The following PDZRN3 variants were observed in gnomAD, a reference collection of about 807,000 sequenced individuals.
The protein encoded by PDZRN3 is PDZ domain containing ring finger 3, also known as E3 ubiquitin-protein ligase PDZRN3.
Under a neutral mutation model 85.7 loss-of-function variants are expected in PDZRN3, and 38 were observed. That is an observed-to-expected ratio of 0.44 (90% CI 0.34 to 0.58). The LOEUF (loss-of-function observed/expected upper bound fraction) is 0.58, where lower values mean the gene tolerates loss of function less well. Ranked by LOEUF, PDZRN3 falls within the 20% of genes least tolerant of loss-of-function variation. The pLI is 0.01. For missense variants in PDZRN3, 1,629 were observed against 1,506.4 expected (o/e 1.08, Z -1.35); for synonymous variants, 759 against 638.0 (o/e 1.19, Z -2.86).
chr3:73,491,225 C>T (rs985230950), intron 3 of PDZRN3, among the ~76,000 whole-genome samples: 1 of 152,192 alleles, frequency 6.6e-6, no homozygotes, highest in South Asian at 2.1e-4. Flanking sequence ...ATTCTTGCAG[C>T]CCATGTCATT....
chr3:73,609,978 T>C (rs192809018), intron 1 of PDZRN3, among the ~76,000 whole-genome samples: 17 of 152,314 alleles, frequency 1.1e-4, no homozygotes, highest in Admixed American at 9.2e-4. Context: ...AAAAAAATAT[T>C]ACGAAAGATC....
At chr3:73,569,199 A>C in intron 3 of PDZRN3, 1 of 1,289,438 alleles carries the variant, frequency 7.8e-7, no homozygotes, top group Non-Finnish European at 1.0e-6. Context: ...CATCAGGAGG[A>C]ATCAGATTTC....
chr3:73,623,220 T>C (rs74557504), intron 1 of PDZRN3, among the ~76,000 whole-genome samples: 10,146 of 152,140 alleles, frequency 0.067, 410 homozygotes, highest in African/African-American at 0.12. Flanking sequence ...TACTAAACTC[T>C]CTCCCTGAAG....
chr3:73,496,288 G>A (rs769724974), intron 3 of PDZRN3, among the ~76,000 whole-genome samples: 1 of 151,966 alleles, frequency 6.6e-6, no homozygotes, highest in African/African-American at 2.4e-5. Context: ...CTTTTTCTTC[G>A]GAGAGGTAAA....
At chr3:73,563,001 A>T (rs1230112260) in intron 3 of PDZRN3, among the ~76,000 whole-genome samples, 1 of 35,412 alleles carries the variant, frequency 2.8e-5, no homozygotes, top group African/African-American at 1.2e-4. Flanking sequence ...ATATATATAT[A>T]TATATATATA....
Position 73,385,289 on chromosome 3 carries a change from T to G in PDZRN3, c.1636-359A>C, listed in dbSNP as rs563326544. On this transcript the variant is annotated intron_variant, in intron 9 of 9. Transcript: ENST00000263666. Reference sequence around the variant, plus strand: ...GACTCAATAAGTGGCTCATTAAGACTCTGACAATGGTAGTAGCATAGCAGG... The same window carrying G: ...GACTCAATAAGTGGCTCATTAAGACGCTGACAATGGTAGTAGCATAGCAGG... 1.7e-3 allele frequency among the ~76,000 whole-genome samples: 259 copies of G among 152,330 alleles called. 2 individuals carry two copies. The highest frequency in any genetic ancestry group is 6.1e-3 in the African/African-American group (254 of 41,586).
intron 3 of PDZRN3, among the ~76,000 whole-genome samples, chr3:73,566,991 A>G (rs1300956024): frequency 1.3e-5 from 2 of 152,312 alleles, no homozygotes; most frequent in African/African-American, 4.8e-5. Context: ...ACCTAAAATA[A>G]TATGTGTAAG....
chr3:73,563,007 ATATATATTTTTTTT>A (rs1370650290), intron 3 of PDZRN3, among the ~76,000 whole-genome samples: 5 of 45,898 alleles, frequency 1.1e-4, no homozygotes, highest in African/African-American at 5.1e-4. Context: ...ATATATATAT[ATATATATTTTTTTT>A]TTTTTTTTTT....
At position 73,384,944 on chromosome 3, in the gene PDZRN3, A is replaced by G. The variant is rs150341454; in HGVS notation, c.1636-14T>C. 1.7e-3 allele frequency: 2,721 copies of G among 1,578,926 alleles called. 15 individuals are homozygous for G. The African/African-American group carries it at 0.018, about 10-fold the overall frequency. ...GTCGTGCTTCTTCTGCATAAACACA[A>G]GAACAAAGGGTCACAGTGAGGGAGG... On this transcript the variant is annotated splice_polypyrimidine_tract_variant and intron_variant, in intron 9 of 9. Transcript: ENST00000263666.
intron 1 of PDZRN3, among the ~76,000 whole-genome samples, chr3:73,610,336 A>C (rs940665911): frequency 6.6e-6 from 1 of 152,194 alleles, no homozygotes; most frequent in Non-Finnish European, 1.5e-5. Flanking sequence ...CTTTAATGAC[A>C]GGCTATTGGT....
chr3:73,433,713 G>C, intron 3 of PDZRN3: 4 of 1,536,068 alleles, frequency 2.6e-6, no homozygotes, highest in Non-Finnish European at 3.5e-6. Flanking sequence ...CCCATGTTTA[G>C]AAAAACGTCA....
intron 3 of PDZRN3, among the ~76,000 whole-genome samples, chr3:73,548,041 G>A (rs1195821171): frequency 6.6e-6 from 1 of 152,140 alleles, no homozygotes; most frequent in Non-Finnish European, 1.5e-5. Context: ...AGAGGTTGTG[G>A]AGTGCTTGCT....
At chr3:73,406,897 A>G (rs944030056) in intron 3 of PDZRN3, among the ~76,000 whole-genome samples, 1 of 152,214 alleles carries the variant, frequency 6.6e-6, no homozygotes, top group Non-Finnish European at 1.5e-5. Flanking sequence ...TTTTAGAGAC[A>G]CATAATTCTT....
intron 3 of PDZRN3, among the ~76,000 whole-genome samples, chr3:73,487,880 G>C (rs1359677716): frequency 1.3e-5 from 2 of 152,070 alleles, no homozygotes; most frequent in Non-Finnish European, 2.9e-5. Flanking sequence ...TTCACAACAG[G>C]GCAAAGACTC....
chr3:73,586,485 A>G (rs1470707790), intron 3 of PDZRN3, among the ~76,000 whole-genome samples: 1 of 152,262 alleles, frequency 6.6e-6, no homozygotes, highest in Non-Finnish European at 1.5e-5. Context: ...TGTACCAGGC[A>G]TGGTGCTAGT....
At chr3:73,431,669 T>C (rs1043713592) in intron 3 of PDZRN3, among the ~76,000 whole-genome samples, 7 of 152,206 alleles carry the variant, frequency 4.6e-5, no homozygotes, top group African/African-American at 1.7e-4. Flanking sequence ...GTCTGAAAAG[T>C]AGTTTGAGTT....
chr3:73,401,322 T>C (rs149674522), intron 4 of PDZRN3, among the ~76,000 whole-genome samples: 17 of 152,312 alleles, frequency 1.1e-4, no homozygotes, highest in Non-Finnish European at 2.1e-4. Flanking sequence ...TAACTCCATC[T>C]CTACGCAGGA....
chr3:73,589,375 T>C (rs1702322433), intron 3 of PDZRN3, among the ~76,000 whole-genome samples: 3 of 152,224 alleles, frequency 2.0e-5, no homozygotes. Context: ...TTTAATATTC[T>C]GATCATGACA....
intron 3 of PDZRN3, among the ~76,000 whole-genome samples, chr3:73,524,927 C>A (rs1024444448): frequency 5.3e-5 from 8 of 150,324 alleles, no homozygotes; most frequent in Non-Finnish European, 8.9e-5. Context: ...AATCACAGAT[C>A]CGATTCATAT....
Sources: allele counts gnomAD v4.1 joint callset (sites outside exome capture counted in the v4.1 genomes callset), GRCh38; gene constraint gnomAD v4.1.1; transcripts MANE v1.5; gene names NCBI Gene and HGNC (gene_info 2026-07-23, HGNC 2026-07-21).